The following CCDC91 variants were observed in gnomAD, a reference collection of about 807,000 sequenced individuals.
CCDC91 encodes coiled-coil domain-containing protein 91.
Under a neutral mutation model 63.2 loss-of-function variants are expected in CCDC91, and 48 were observed. The observed-to-expected ratio is 0.76, with a 90% CI of 0.60 to 0.97. The LOEUF is 0.97. CCDC91 is among the 50% of genes least tolerant of loss of function. The pLI is 0.00. For missense variants in CCDC91, 500 were observed against 494.6 expected (o/e 1.01, Z -0.10); for synonymous variants, 167 against 165.8 (o/e 1.01, Z -0.06).
intron 1 of CCDC91, among the ~76,000 whole-genome samples, chr12:28,239,819 A>G (rs568612924): frequency 6.6e-6 from 1 of 152,254 alleles, no homozygotes; most frequent in Admixed American, 6.5e-5. Context: ...TAAAATATAT[A>G]TGTATTTATT....
chr12:28,524,589 A>G (rs1056640144), intron 12 of CCDC91, among the ~76,000 whole-genome samples: 5 of 152,010 alleles, frequency 3.3e-5, no homozygotes, highest in African/African-American at 1.2e-4. Context: ...TTCCTGATTT[A>G]GATATTAGGG....
chr12:28,374,567 AT>A (rs1262919564), intron 7 of CCDC91, among the ~76,000 whole-genome samples: 10 of 152,182 alleles, frequency 6.6e-5, no homozygotes, highest in African/African-American at 9.6e-5. Flanking sequence ...CCTAAAGCAC[AT>A]TTTTATTAGC....
chr12:28,405,267 T>C (rs1380608241), intron 8 of CCDC91, among the ~76,000 whole-genome samples: 2 of 152,146 alleles, frequency 1.3e-5, no homozygotes, highest in Admixed American at 6.5e-5. Context: ...GTTATGCCAT[T>C]TCACAGGTAC....
At chr12:28,334,470 A>G (rs1268001154) in intron 6 of CCDC91, among the ~76,000 whole-genome samples, 3 of 152,018 alleles carry the variant, frequency 2.0e-5, no homozygotes, top group Non-Finnish European at 2.9e-5. Context: ...TTTCTTCTCT[A>G]TCCTTGCCTA....
intron 8 of CCDC91, among the ~76,000 whole-genome samples, chr12:28,439,620 C>A (rs10219536): frequency 6.6e-6 from 1 of 151,772 alleles, no homozygotes; most frequent in African/African-American, 2.4e-5. Flanking sequence ...ATTGCTTAGT[C>A]TAAAATGTAA....
intron 3 of CCDC91, among the ~76,000 whole-genome samples, chr12:28,277,429 T>C (rs1948313530): frequency 1.3e-5 from 2 of 152,052 alleles, no homozygotes; most frequent in Non-Finnish European, 2.9e-5. Flanking sequence ...TGAATACAAC[T>C]GCATTTGGTA....
intron 6 of CCDC91, among the ~76,000 whole-genome samples, chr12:28,348,350 A>G (rs551633613): frequency 6.6e-6 from 1 of 152,122 alleles, no homozygotes; most frequent in Non-Finnish European, 1.5e-5. Flanking sequence ...GAGTGTGCAA[A>G]AGGAACATGC....
intron 12 of CCDC91, among the ~76,000 whole-genome samples, chr12:28,536,530 A>G (rs1413373181): frequency 2.6e-5 from 4 of 152,200 alleles, no homozygotes; most frequent in African/African-American, 9.6e-5. Flanking sequence ...ATGAAAACCA[A>G]GCTTTGTTTT....
At chr12:28,409,408 CTT>C (rs1947174760) in intron 8 of CCDC91, among the ~76,000 whole-genome samples, 2 of 152,000 alleles carry the variant, frequency 1.3e-5, no homozygotes, top group Admixed American at 6.6e-5. Context: ...GTGATTATCT[CTT>C]GTCTTAGTCT....
intron 1 of CCDC91, among the ~76,000 whole-genome samples, chr12:28,243,862 A>G (rs1457461144): frequency 2.0e-5 from 3 of 152,228 alleles, no homozygotes; most frequent in Admixed American, 2.0e-4. Flanking sequence ...GATTATTCCA[A>G]TCTGTTGCAA....
intron 12 of CCDC91, among the ~76,000 whole-genome samples, chr12:28,485,300 A>ATG (rs1302463127): frequency 6.6e-6 from 1 of 151,948 alleles, no homozygotes; most frequent in African/African-American, 2.4e-5. Context: ...CTGAAATTAC[A>ATG]GGCGCCTGCC....
At chr12:28,384,720 T>C (rs1392522348) in intron 7 of CCDC91, among the ~76,000 whole-genome samples, 4 of 149,790 alleles carry the variant, frequency 2.7e-5, no homozygotes, top group Non-Finnish European at 4.5e-5. Context: ...TTAAAACTGA[T>C]TTTTTTTTTG....
intron 3 of CCDC91, among the ~76,000 whole-genome samples, chr12:28,272,799 G>A (rs1450059438): frequency 6.6e-6 from 1 of 151,766 alleles, no homozygotes; most frequent in Non-Finnish European, 1.5e-5. Flanking sequence ...TATGCTTATG[G>A]CCTAATTAGA....
At chr12:28,227,771 T>C (rs1314700560) in intron 1 of CCDC91, among the ~76,000 whole-genome samples, 1 of 152,138 alleles carries the variant, frequency 6.6e-6, no homozygotes, top group African/African-American at 2.4e-5. Flanking sequence ...CATTGCCTTA[T>C]AGCCATTTTT....
intron 6 of CCDC91, among the ~76,000 whole-genome samples, chr12:28,360,960 A>C (rs1943840287): frequency 6.6e-6 from 1 of 151,592 alleles, no homozygotes; most frequent in Non-Finnish European, 1.5e-5. Context: ...AGGACTATTC[A>C]AATTTTGTAA....
intron 8 of CCDC91, among the ~76,000 whole-genome samples, chr12:28,443,400 C>T (rs1949335164): frequency 6.6e-6 from 1 of 151,966 alleles, no homozygotes; most frequent in Non-Finnish European, 1.5e-5. Flanking sequence ...ACTCCATTGG[C>T]ATCTGTAATA....
chr12:28,334,946 G>A (rs904155633), intron 6 of CCDC91, among the ~76,000 whole-genome samples: 7 of 150,622 alleles, frequency 4.6e-5, no homozygotes, highest in African/African-American at 1.7e-4. Flanking sequence ...AGGGTTTAGA[G>A]AAGATACCAA....
intron 12 of CCDC91, among the ~76,000 whole-genome samples, chr12:28,512,351 T>G (rs1939466866): frequency 6.6e-6 from 1 of 151,854 alleles, no homozygotes. Flanking sequence ...GGAGTCTGAT[T>G]TAGGACAGAA....
At chr12:28,290,851 C>T (rs1467088236) in intron 3 of CCDC91, among the ~76,000 whole-genome samples, 1 of 152,018 alleles carries the variant, frequency 6.6e-6, no homozygotes, top group African/African-American at 2.4e-5. Context: ...TATATTTTAG[C>T]ATTGGTATTT....
Sources: gnomAD v4.1 joint callset for allele counts (sites outside exome capture counted in the v4.1 genomes callset) on GRCh38, gnomAD v4.1.1 for gene constraint, MANE v1.5 for transcripts, NCBI Gene and HGNC (gene_info 2026-07-23, HGNC 2026-07-21) for gene names.